Variants in TVP23C observed in about 807,000 individuals in gnomAD.
The protein encoded by TVP23C is trans-golgi network vesicle protein 23 homolog C.
TVP23C carries 19 observed loss-of-function variants against 28.7 expected under a neutral mutation model. The observed-to-expected ratio is 0.66, with a 90% CI of 0.46 to 0.97. The LOEUF (loss-of-function observed/expected upper bound fraction) is 0.97. Among genes scored for constraint, TVP23C ranks in the 50% least tolerant of loss-of-function variants. The pLI is 0.00. For synonymous variants in TVP23C, 68 were observed against 81.7 expected (o/e 0.83, Z 0.90); for missense variants, 186 against 241.3 (o/e 0.77, Z 1.52).
downstream of TVP23C, among the ~76,000 whole-genome samples, chr17:15,533,230 G>A (rs2654268): frequency 6.6e-6 from 1 of 152,182 alleles, no homozygotes; most frequent in African/African-American, 2.4e-5. Context: ...ATGTAACAGA[G>A]AAATAAAAGG....
chr17:15,509,200 C>G (rs1981898896), intron 5 of TVP23C, among the ~76,000 whole-genome samples: 1 of 152,154 alleles, frequency 6.6e-6, no homozygotes, highest in Admixed American at 6.5e-5. Context: ...CAGGGTTGTC[C>G]TCCAACCAGA....
chr17:15,539,412 C>T lies in TVP23C; in HGVS notation c.*1000G>A, dbSNP rs1162762158. ...CACGAGGTCAGGAGATCGAGACCAT[C>T]CTGGCTAACACGGTGAAACCCCGTC... is the stretch of plus-strand genomic sequence containing the variant. On this transcript the variant is annotated 3_prime_UTR_variant, in exon 6 of 6. Transcript: ENST00000518321. 3 of 577,360 alleles carry T rather than the reference C, an allele frequency of 5.2e-6. No individual in the cohort carries two copies. Among genetic ancestry groups the T allele is most frequent in the Non-Finnish European group, 2.2e-6 (1 of 457,722 alleles). The allele number at this position is 577,360 out of a possible 1,614,324, so 35.8% of individuals were successfully genotyped here. A position where few individuals can be genotyped will look rare whatever the true frequency, so the allele number is the denominator to read the frequency against.
chr17:15,517,516 T>G (rs1982280925), intron 5 of TVP23C, among the ~76,000 whole-genome samples: 1 of 152,144 alleles, frequency 6.6e-6, no homozygotes, highest in Admixed American at 6.5e-5. Flanking sequence ...CCAATAAGGG[T>G]GATACTTTTA....
chr17:15,530,628 CAT>C (rs1415857987), intron 5 of TVP23C: 1 of 152,172 alleles, frequency 6.6e-6, no homozygotes, highest in Non-Finnish European at 1.5e-5. Flanking sequence ...TTTATTTCCT[CAT>C]GTGGATTGGA....
intron 5 of TVP23C, chr17:15,503,358 C>G (rs778510599): frequency 1.1e-5 from 13 of 1,181,068 alleles, no homozygotes; most frequent in Non-Finnish European, 1.5e-5. Context: ...TGAGCTGTGA[C>G]CACGCCACTG....
downstream of TVP23C, among the ~76,000 whole-genome samples, chr17:15,533,677 G>A (rs1983037432): frequency 6.6e-6 from 1 of 152,128 alleles, no homozygotes; most frequent in Admixed American, 6.5e-5. Context: ...ACACCATGGG[G>A]AACCATGGGG....
chr17:15,517,921 T>C (rs7215630), intron 5 of TVP23C, among the ~76,000 whole-genome samples: 118,000 of 152,090 alleles, frequency 0.78, 46,683 homozygotes, highest in Middle Eastern at 0.89. Context: ...AATCCCAGTA[T>C]TTTGGGAGGC....
At chr17:15,525,040 C>T (rs1056034593) in intron 5 of TVP23C, among the ~76,000 whole-genome samples, 2 of 152,360 alleles carry the variant, frequency 1.3e-5, no homozygotes, top group South Asian at 2.1e-4. Flanking sequence ...CTGTCTCCTG[C>T]TTTGAGATCA....
At chr17:15,556,843 C>T (rs1597549017) in intron 1 of TVP23C, among the ~76,000 whole-genome samples, 1 of 152,104 alleles carries the variant, frequency 6.6e-6, no homozygotes, top group East Asian at 1.9e-4. Context: ...CACCATGTCA[C>T]TCTACTGCTC....
chr17:15,512,939 T>C lies in TVP23C; in HGVS notation c.463-9707A>G, dbSNP rs77026519. On this transcript the variant is annotated intron_variant, in intron 5 of 5. Coordinates refer to the TVP23C transcript ENST00000225576. ...TTCACATATGGGCTATGTAGGACCT[T>C]AGGCAAATCCCCTCTCCTCCCTGGG... Among the ~76,000 whole-genome samples, 752 of 152,280 alleles carry C rather than the reference T, an allele frequency of 4.9e-3. 7 individuals are homozygous for C. Among genetic ancestry groups the C allele is most frequent in the African/African-American group, 0.017 (715 of 41,574 alleles).
downstream of TVP23C, among the ~76,000 whole-genome samples, chr17:15,534,550 T>C (rs1409798791): frequency 1.3e-5 from 2 of 148,486 alleles, no homozygotes; most frequent in Non-Finnish European, 2.9e-5. Context: ...ATAGTACCTA[T>C]ATGTTGGAGT....
In TVP23C at chr17:15,553,522, G is replaced by GA. The variant is rs565524290; in HGVS notation, c.240+162dup. Among the ~76,000 whole-genome samples the GA allele has an allele frequency of 8.1e-3, 960 of 118,944 alleles. 2 individuals carry two copies. Among genetic ancestry groups the GA allele is most frequent in the Non-Finnish European group, 0.011 (647 of 58,426 alleles). 78.0% of individuals were successfully genotyped at this position (118,944 alleles called of 152,430 possible). ...TCTTGTATTGTCAAAGGGAAAAAAT[G>GA]AAAAAAAAAAAAAAAAACTACATGC... On this transcript the variant is annotated intron_variant, in intron 3 of 5. Transcript: ENST00000518321.
intron 5 of TVP23C, among the ~76,000 whole-genome samples, chr17:15,511,350 T>A (rs1399149950): frequency 2.0e-5 from 3 of 152,174 alleles, no homozygotes; most frequent in African/African-American, 7.2e-5. Flanking sequence ...TTCACTCCCA[T>A]GTGTCACCAT....
At chr17:15,530,054 C>T (rs1982889914) in intron 5 of TVP23C, among the ~76,000 whole-genome samples, 1 of 152,180 alleles carries the variant, frequency 6.6e-6, no homozygotes, top group African/African-American at 2.4e-5. Flanking sequence ...TCACCTAGAC[C>T]TCCCAAAGTG....
intron 2 of TVP23C, 107 bp downstream of exon 2, chr17:15,555,175 T>C: frequency 2.1e-6 from 3 of 1,439,346 alleles, no homozygotes; most frequent in African/African-American, 1.4e-5. Flanking sequence ...CATGCAGTAT[T>C]CACAAGCACA....
At position 15,539,701 on chromosome 17, in the gene TVP23C, T is replaced by C; in HGVS notation, c.*711A>G. 1 of 985,376 alleles carries C rather than the reference T, an allele frequency of 1.0e-6. No homozygotes were observed. The highest frequency in any genetic ancestry group is 1.2e-6 in the Non-Finnish European group (1 of 829,944). The allele number at this position is 985,376 out of a possible 1,614,324, so 61.0% of individuals were successfully genotyped here. On this transcript the variant is annotated 3_prime_UTR_variant, in exon 6 of 6. Transcript: ENST00000518321. Reference sequence around the variant, plus strand: ...ACTCATCCTGCTGAAAACCCTGATGTTGAGGTATTATAGTAAAATCCTTAT... The same window carrying C: ...ACTCATCCTGCTGAAAACCCTGATGCTGAGGTATTATAGTAAAATCCTTAT...
intron 5 of TVP23C, among the ~76,000 whole-genome samples, chr17:15,526,514 C>T (rs1358526350): frequency 2.0e-5 from 3 of 152,196 alleles, no homozygotes; most frequent in Admixed American, 6.5e-5. Flanking sequence ...ATCTCTGGTA[C>T]ATTGTGGGTA....
At chr17:15,528,970 T>C (rs757278435) in intron 5 of TVP23C, among the ~76,000 whole-genome samples, 3 of 152,166 alleles carry the variant, frequency 2.0e-5, no homozygotes, top group Non-Finnish European at 4.4e-5. Flanking sequence ...TATGCATTAT[T>C]ATAAATGAAG....
chr17:15,549,548 G>A (rs984477550), intron 3 of TVP23C, among the ~76,000 whole-genome samples: 8 of 152,056 alleles, frequency 5.3e-5, no homozygotes, highest in Non-Finnish European at 1.2e-4. Context: ...GGATGGTGGT[G>A]CATGCCTGTA....
Sources: gnomAD v4.1 joint callset for allele counts (sites outside exome capture counted in the v4.1 genomes callset) on GRCh38, gnomAD v4.1.1 for gene constraint, MANE v1.5 for transcripts, NCBI Gene and HGNC (gene_info 2026-07-23, HGNC 2026-07-21) for gene names.